The following CAMKMT variants were observed in gnomAD, a reference collection of about 807,000 sequenced individuals.
CAMKMT encodes calmodulin-lysine N-methyltransferase.
CAMKMT carries 53 observed loss-of-function variants against 48.0 expected under a neutral mutation model. That is an observed-to-expected ratio of 1.10 (90% CI 0.89 to 1.39). The LOEUF is 1.39. Among genes scored for constraint, CAMKMT ranks in the 40% most tolerant of loss-of-function variants. CAMKMT has a pLI of 0.00. For synonymous variants in CAMKMT, 165 were observed against 152.3 expected, an observed-to-expected ratio of 1.08 and a Z score of -0.61; for missense variants, 428 against 402.7, an observed-to-expected ratio of 1.06 and a Z score of -0.54.
chr2:44,425,633 G>A (rs538661199), intron 3 of CAMKMT, among the ~76,000 whole-genome samples: 34 of 151,976 alleles, frequency 2.2e-4, no homozygotes, highest in African/African-American at 8.0e-4. Context: ...ATTTTTCAAA[G>A]GGCAAAAGAT....
chr2:44,566,557 G>GCCA (rs1437734967), intron 3 of CAMKMT, among the ~76,000 whole-genome samples: 1 of 152,134 alleles, frequency 6.6e-6, no homozygotes, highest in Non-Finnish European at 1.5e-5. Context: ...GAGCCATAAG[G>GCCA]CCACCGTGGG....
intron 3 of CAMKMT, among the ~76,000 whole-genome samples, chr2:44,493,598 A>G (rs1003793414): frequency 3.3e-5 from 5 of 152,190 alleles, no homozygotes; most frequent in African/African-American, 1.2e-4. Flanking sequence ...GGGCAAGTTG[A>G]TAAAGACATT....
At chr2:44,380,934 G>T (rs1680177522) in intron 2 of CAMKMT, among the ~76,000 whole-genome samples, 3 of 152,058 alleles carry the variant, frequency 2.0e-5, no homozygotes, top group Admixed American at 2.0e-4. Flanking sequence ...GGCTGAGGTG[G>T]GTGGGTCACG....
At chr2:44,664,948 C>T (rs1293318705) in intron 3 of CAMKMT, among the ~76,000 whole-genome samples, 3 of 152,026 alleles carry the variant, frequency 2.0e-5, no homozygotes, top group South Asian at 2.1e-4. Flanking sequence ...ACTGGAAGGG[C>T]CCTATAAAAG....
intron 3 of CAMKMT, among the ~76,000 whole-genome samples, chr2:44,633,940 G>GT (rs1558759823): frequency 6.6e-6 from 1 of 151,946 alleles, no homozygotes; most frequent in African/African-American, 2.4e-5. Flanking sequence ...GGTTTTTGGG[G>GT]TTTTTTTAAG....
intron 3 of CAMKMT, among the ~76,000 whole-genome samples, chr2:44,504,323 C>T (rs982397568): frequency 6.6e-6 from 1 of 152,026 alleles, no homozygotes; most frequent in Non-Finnish European, 1.5e-5. Context: ...TAGGGCACTC[C>T]CTTTAGGGTC....
chr2:44,483,576 C>G (rs1434942243), intron 3 of CAMKMT, among the ~76,000 whole-genome samples: 2 of 152,110 alleles, frequency 1.3e-5, no homozygotes, highest in East Asian at 3.9e-4. Context: ...CATTGTACTT[C>G]TAAAGTTTGC....
intron 3 of CAMKMT, among the ~76,000 whole-genome samples, chr2:44,627,488 A>C (rs954974664): frequency 6.6e-6 from 1 of 152,042 alleles, no homozygotes; most frequent in Non-Finnish European, 1.5e-5. Flanking sequence ...TGCTTGATAG[A>C]ATTAATCAGT....
At chr2:44,722,933 TC>T (rs1218758796) in intron 7 of CAMKMT, among the ~76,000 whole-genome samples, 1 of 152,146 alleles carries the variant, frequency 6.6e-6, no homozygotes, top group Non-Finnish European at 1.5e-5. Context: ...AATATACTGG[TC>T]CCCAGCATGA....
chr2:44,649,399 T>C (rs940327784), intron 3 of CAMKMT, among the ~76,000 whole-genome samples: 1 of 151,994 alleles, frequency 6.6e-6, no homozygotes, highest in African/African-American at 2.4e-5. Context: ...GGAAGTTGGA[T>C]AATTGCAATA....
At chr2:44,511,708 G>T (rs1670566332) in intron 3 of CAMKMT, among the ~76,000 whole-genome samples, 1 of 152,176 alleles carries the variant, frequency 6.6e-6, no homozygotes, top group Non-Finnish European at 1.5e-5. Context: ...TGAGAGATCT[G>T]CCTCCTAAAA....
intron 3 of CAMKMT, among the ~76,000 whole-genome samples, chr2:44,597,618 T>G (rs1251448363): frequency 1.3e-5 from 2 of 152,218 alleles, no homozygotes; most frequent in Non-Finnish European, 2.9e-5. Flanking sequence ...CAAAATAATG[T>G]TACAAGTGTG....
chr2:44,369,389 A>G (rs969166545), intron 1 of CAMKMT, among the ~76,000 whole-genome samples: 2 of 152,182 alleles, frequency 1.3e-5, no homozygotes, highest in African/African-American at 4.8e-5. Context: ...CCTTCTACAC[A>G]TAAGAATTAT....
intron 3 of CAMKMT, among the ~76,000 whole-genome samples, chr2:44,620,403 C>A (rs1253567647): frequency 1.3e-5 from 2 of 152,076 alleles, no homozygotes; most frequent in Non-Finnish European, 2.9e-5. Context: ...TATCATTAAC[C>A]CTACATAAAG....
chr2:44,424,240 G>A (rs1684117259), intron 3 of CAMKMT, among the ~76,000 whole-genome samples: 1 of 151,730 alleles, frequency 6.6e-6, no homozygotes, highest in African/African-American at 2.4e-5. Flanking sequence ...TGTAGTGGGA[G>A]CGGTCGCAGA....
chr2:44,638,362 T>C (rs1673260245), intron 3 of CAMKMT, among the ~76,000 whole-genome samples: 1 of 152,138 alleles, frequency 6.6e-6, no homozygotes, highest in African/African-American at 2.4e-5. Flanking sequence ...CCTCGTAAAA[T>C]CTAAAAGCAA....
intron 7 of CAMKMT, among the ~76,000 whole-genome samples, chr2:44,740,762 T>C (rs1461703860): frequency 6.6e-6 from 1 of 151,982 alleles, no homozygotes; most frequent in Admixed American, 6.6e-5. Context: ...ACAAGGAAGT[T>C]GAGGGTGTAT....
At chr2:44,588,686 G>T (rs1214160959) in intron 3 of CAMKMT, among the ~76,000 whole-genome samples, 1 of 43,100 alleles carries the variant, frequency 2.3e-5, no homozygotes, top group African/African-American at 1.0e-4. Context: ...CGCCCAGTCC[G>T]GGAGGGAGGT....
intron 3 of CAMKMT, among the ~76,000 whole-genome samples, chr2:44,572,016 C>T (rs116077320): frequency 0.016 from 2,421 of 152,166 alleles, 57 homozygotes; most frequent in African/African-American, 0.054. Flanking sequence ...TAATCTTTTA[C>T]GTATCTTAAG....
Sources: allele counts gnomAD v4.1 joint callset (sites outside exome capture counted in the v4.1 genomes callset), GRCh38; gene constraint gnomAD v4.1.1; transcripts MANE v1.5; gene names NCBI Gene and HGNC (gene_info 2026-07-23, HGNC 2026-07-21).